The following PDE1C variants were observed in gnomAD, a reference collection of about 807,000 sequenced individuals.
PDE1C encodes dual specificity calcium/calmodulin-dependent 3',5'-cyclic nucleotide phosphodiesterase 1C.
A neutral mutation model predicts 93.1 loss-of-function variants in PDE1C; 62 were observed. The ratio of observed to expected loss-of-function variants is 0.67; its 90% CI spans 0.54 to 0.82. The LOEUF (loss-of-function observed/expected upper bound fraction) is 0.82. Ranked by LOEUF, PDE1C falls within the 40% of genes least tolerant of loss-of-function variation. The pLI is 0.00. For synonymous variants in PDE1C, 325 were observed against 310.1 expected, an observed-to-expected ratio of 1.05 and a Z score of -0.50; for missense variants, 742 against 884.6, an observed-to-expected ratio of 0.84 and a Z score of 2.04.
intron 1 of PDE1C, among the ~76,000 whole-genome samples, chr7:32,286,324 G>A (rs781719403): frequency 6.6e-6 from 1 of 152,172 alleles, no homozygotes; most frequent in Non-Finnish European, 1.5e-5. Context: ...CCAATGTAGT[G>A]TCAGATTCAA....
the PDE1C span, among the ~76,000 whole-genome samples, chr7:31,731,128 G>A: frequency 2.0e-5 from 3 of 152,012 alleles, no homozygotes; most frequent in Non-Finnish European, 2.9e-5. Flanking sequence ...GAATGATGCC[G>A]TGTGACTTCT....
intron 3 of PDE1C, among the ~76,000 whole-genome samples, chr7:32,153,445 T>C (rs1165602464): frequency 6.6e-6 from 1 of 152,078 alleles, no homozygotes; most frequent in Non-Finnish European, 1.5e-5. Flanking sequence ...GCAGCACCCG[T>C]CAAGGCAGTG....
chr7:31,760,416 A>G (rs1426884858), intron 17 of PDE1C, among the ~76,000 whole-genome samples: 3 of 152,104 alleles, frequency 2.0e-5, no homozygotes, highest in Admixed American at 6.6e-5. Context: ...GTCCTCATCC[A>G]CGCTTGGGTC....
the PDE1C span, among the ~76,000 whole-genome samples, chr7:31,689,624 T>A: frequency 6.6e-6 from 1 of 152,066 alleles, no homozygotes; most frequent in African/African-American, 2.4e-5. Context: ...CCCTTCTCAC[T>A]GAGGATAGAA....
intron 3 of PDE1C, among the ~76,000 whole-genome samples, chr7:32,136,374 C>T (rs931831037): frequency 2.0e-5 from 3 of 151,982 alleles, no homozygotes; most frequent in Admixed American, 6.6e-5. Flanking sequence ...CGGAGTCTCA[C>T]TCTGTCGCCC....
At chr7:31,972,110 G>A (rs1199954702) in intron 2 of PDE1C, among the ~76,000 whole-genome samples, 2 of 152,054 alleles carry the variant, frequency 1.3e-5, no homozygotes, top group Admixed American at 1.3e-4. Flanking sequence ...CAACCTCTAT[G>A]GTCTATGGCC....
At chr7:31,853,728 T>A (rs112597304) in intron 7 of PDE1C, among the ~76,000 whole-genome samples, 2 of 151,912 alleles carry the variant, frequency 1.3e-5, no homozygotes, top group East Asian at 1.9e-4. Context: ...TGTTTTTTTT[T>A]AAACAGGGTC....
At chr7:31,970,977 T>C (rs533597714) in intron 2 of PDE1C, among the ~76,000 whole-genome samples, 1 of 152,148 alleles carries the variant, frequency 6.6e-6, no homozygotes, top group South Asian at 2.1e-4. Flanking sequence ...ACCCTGTCTC[T>C]ACTAAAAATA....
At chr7:32,099,009 G>C (rs1349825468) in intron 3 of PDE1C, among the ~76,000 whole-genome samples, 4 of 152,096 alleles carry the variant, frequency 2.6e-5, no homozygotes, top group Non-Finnish European at 5.9e-5. Flanking sequence ...GGTTAAAATA[G>C]TAAATTCTAT....
Position 32,228,746 on chromosome 7 carries a change from C to T in PDE1C, c.86-19207G>A, listed in dbSNP as rs567605105. Among the ~76,000 whole-genome samples the T allele has an allele frequency of 1.6e-4, 24 of 152,344 alleles. No individual in the cohort carries two copies. In the South Asian group the frequency reaches 2.7e-3, roughly 17 times the overall value. On this transcript the variant is annotated intron_variant, in intron 1 of 18. Coordinates refer to the PDE1C transcript ENST00000396193. ...AGCAAGGTGACATAACAGCCTGTGT[C>T]CTCCTGGCCTACCCATGTGGAGGAC...
chr7:31,934,173 G>A (rs1338723296), intron 2 of PDE1C, among the ~76,000 whole-genome samples: 2 of 152,110 alleles, frequency 1.3e-5, no homozygotes, highest in African/African-American at 4.8e-5. Flanking sequence ...CGATTGCTAA[G>A]ACACCATCAA....
At chr7:31,712,466 T>C in the PDE1C span, among the ~76,000 whole-genome samples, 34 of 152,184 alleles carry the variant, frequency 2.2e-4, no homozygotes, top group Non-Finnish European at 1.8e-4. Context: ...CCTAGACCCA[T>C]TGTCTCCTCT....
intron 15 of PDE1C, 37 bp from the exon 16 acceptor site, chr7:31,809,145 C>A: frequency 8.9e-7 from 1 of 1,118,968 alleles, no homozygotes; most frequent in Non-Finnish European, 1.4e-6. Flanking sequence ...TATATGTATG[C>A]AGCTGAGGGG....
chr7:32,368,391 G>T (rs867996856), intron 1 of PDE1C, among the ~76,000 whole-genome samples: 1 of 152,026 alleles, frequency 6.6e-6, no homozygotes, highest in Admixed American at 6.6e-5. Flanking sequence ...TCGAGAAGAC[G>T]ATTCCATTCA....
chr7:31,971,977 C>T (rs1373643714), intron 2 of PDE1C, among the ~76,000 whole-genome samples: 5 of 152,148 alleles, frequency 3.3e-5, no homozygotes, highest in Non-Finnish European at 5.9e-5. Context: ...TTACCTGCTC[C>T]CATATTTGTA....
At chr7:32,001,553 T>TAAA (rs1785455093) in intron 2 of PDE1C, among the ~76,000 whole-genome samples, 1 of 152,062 alleles carries the variant, frequency 6.6e-6, no homozygotes, top group African/African-American at 2.4e-5. Context: ...CCAGCTCCCA[T>TAAA]AAAGGAGTTC....
the PDE1C span, among the ~76,000 whole-genome samples, chr7:31,663,911 T>C: frequency 0.12 from 18,939 of 152,240 alleles, 1,507 homozygotes; most frequent in South Asian, 0.17. Context: ...GTAGCTCAAA[T>C]ATAATAACTT....
chr7:32,069,689 T>C (rs1285968872), intron 1 of PDE1C, among the ~76,000 whole-genome samples: 1 of 152,194 alleles, frequency 6.6e-6, no homozygotes, highest in African/African-American at 2.4e-5. Flanking sequence ...CTGGCCACTC[T>C]ATTTCATTGT....
intron 16 of PDE1C, among the ~76,000 whole-genome samples, chr7:31,780,602 A>G (rs1231816214): frequency 6.6e-6 from 1 of 152,258 alleles, no homozygotes; most frequent in Non-Finnish European, 1.5e-5. Flanking sequence ...AACTATGTCA[A>G]TGCTGCTATT....
Sources: gnomAD v4.1 joint callset for allele counts (sites outside exome capture counted in the v4.1 genomes callset) on GRCh38, gnomAD v4.1.1 for gene constraint, MANE v1.5 for transcripts, NCBI Gene and HGNC (gene_info 2026-07-23, HGNC 2026-07-21) for gene names.